Variants in CSTPP1 observed in about 807,000 individuals in gnomAD.
The protein encoded by CSTPP1 is UPF0705 protein C11orf49.
the CSTPP1 span, among the ~76,000 whole-genome samples, chr11:47,108,395 T>C: frequency 6.6e-6 from 1 of 152,214 alleles, no homozygotes; most frequent in African/African-American, 2.4e-5. Context: ...AAGATATATA[T>C]ACACACCCTG....
At chr11:47,123,743 G>A in the CSTPP1 span, among the ~76,000 whole-genome samples, 2 of 152,184 alleles carry the variant, frequency 1.3e-5, no homozygotes, top group African/African-American at 2.4e-5. Flanking sequence ...GCTCACGCCC[G>A]TAATCCCAAC....
chr11:47,094,521 A>T, the CSTPP1 span, among the ~76,000 whole-genome samples: 1 of 152,112 alleles, frequency 6.6e-6, no homozygotes. Flanking sequence ...GAGGATGTGG[A>T]TATGCCTGTT....
At chr11:46,937,131 G>A in the CSTPP1 span, among the ~76,000 whole-genome samples, 2 of 152,100 alleles carry the variant, frequency 1.3e-5, no homozygotes, top group African/African-American at 4.8e-5. Context: ...GCCCTGTTGG[G>A]GTATTATTGA....
the CSTPP1 span, among the ~76,000 whole-genome samples, chr11:46,999,465 C>T: frequency 1.3e-5 from 2 of 152,162 alleles, no homozygotes; most frequent in African/African-American, 2.4e-5. Flanking sequence ...TCTACTGCCT[C>T]CAAGCCACTT....
chr11:47,162,615 A>G, the CSTPP1 span, among the ~76,000 whole-genome samples: 7 of 152,314 alleles, frequency 4.6e-5, no homozygotes, highest in African/African-American at 1.7e-4. Flanking sequence ...AGACAGACAC[A>G]GCCTGGGGCA....
chr11:46,942,607 G>A, the CSTPP1 span, among the ~76,000 whole-genome samples: 1 of 152,062 alleles, frequency 6.6e-6, no homozygotes, highest in African/African-American at 2.4e-5. Context: ...CTCCTTTGGG[G>A]ACTAGACATT....
the CSTPP1 span, among the ~76,000 whole-genome samples, chr11:47,009,987 A>G: frequency 0.14 from 21,968 of 152,252 alleles, 2,104 homozygotes; most frequent in South Asian, 0.21. Context: ...ATTCACTGTC[A>G]TGTAAAAATT....
the CSTPP1 span, among the ~76,000 whole-genome samples, chr11:47,122,798 C>T: frequency 6.6e-6 from 1 of 152,002 alleles, no homozygotes; most frequent in Admixed American, 6.6e-5. Context: ...AGGCTGGTCT[C>T]GAACTCCTGA....
chr11:46,972,497 G>A, the CSTPP1 span, among the ~76,000 whole-genome samples: 3 of 152,130 alleles, frequency 2.0e-5, no homozygotes, highest in Admixed American at 1.3e-4. Context: ...TCCTTTTTGA[G>A]CTGGGCTATT....
At chr11:47,045,756 A>G in the CSTPP1 span, among the ~76,000 whole-genome samples, 2 of 151,990 alleles carry the variant, frequency 1.3e-5, no homozygotes, top group Non-Finnish European at 2.9e-5. Flanking sequence ...TTAATTATTG[A>G]TTTTTTTAAA....
chr11:47,140,804 A>G, the CSTPP1 span, among the ~76,000 whole-genome samples: 8 of 152,098 alleles, frequency 5.3e-5, no homozygotes, highest in Non-Finnish European at 8.8e-5. Context: ...CAGCATCCTT[A>G]AAGACCGAAC....
the CSTPP1 span, among the ~76,000 whole-genome samples, chr11:47,125,887 C>T: frequency 3.3e-5 from 5 of 152,022 alleles, no homozygotes; most frequent in East Asian, 3.9e-4. Context: ...CACGGTGGCA[C>T]GTGCCTGTAA....
At chr11:46,938,869 C>T in the CSTPP1 span, among the ~76,000 whole-genome samples, 10 of 150,774 alleles carry the variant, frequency 6.6e-5, no homozygotes, top group Middle Eastern at 3.4e-3. Context: ...CCTCAACCTC[C>T]GGGCTCAAGT....
chr11:47,124,376 A>G, the CSTPP1 span, among the ~76,000 whole-genome samples: 1 of 150,964 alleles, frequency 6.6e-6, no homozygotes, highest in Non-Finnish European at 1.5e-5. Context: ...CCCACCTCAG[A>G]CTCCCAAAGT....
At chr11:47,109,895 A>C in the CSTPP1 span, among the ~76,000 whole-genome samples, 6 of 152,252 alleles carry the variant, frequency 3.9e-5, no homozygotes, top group Admixed American at 1.3e-4. Context: ...ATTTGTGTGC[A>C]GAATGGAGAG....
At chr11:47,153,827 C>G in the CSTPP1 span, among the ~76,000 whole-genome samples, 1 of 152,166 alleles carries the variant, frequency 6.6e-6, no homozygotes, top group Non-Finnish European at 1.5e-5. Context: ...AGCCCTTTCC[C>G]CAGCAGTGAG....
At chr11:47,106,272 A>G in the CSTPP1 span, among the ~76,000 whole-genome samples, 1 of 152,208 alleles carries the variant, frequency 6.6e-6, no homozygotes, top group Non-Finnish European at 1.5e-5. Context: ...GGTGGGAAGG[A>G]GAACCGATCA....
chr11:47,058,764 C>G, the CSTPP1 span, among the ~76,000 whole-genome samples: 1 of 152,132 alleles, frequency 6.6e-6, no homozygotes, highest in Non-Finnish European at 1.5e-5. Flanking sequence ...CACACCCAGT[C>G]AATGAAAAAG....
chr11:47,135,759 G>A, the CSTPP1 span, among the ~76,000 whole-genome samples: 1 of 152,220 alleles, frequency 6.6e-6, no homozygotes, highest in African/African-American at 2.4e-5. Context: ...TCAAGTTCCA[G>A]AAGTGGTGAG....
Sources: gnomAD v4.1 joint callset for allele counts (sites outside exome capture counted in the v4.1 genomes callset) on GRCh38, gnomAD v4.1.1 for gene constraint, MANE v1.5 for transcripts, NCBI Gene and HGNC (gene_info 2026-07-23, HGNC 2026-07-21) for gene names.